SH3KBP1: variants seen among roughly 807,000 people sequenced by gnomAD.
SH3KBP1 encodes the protein SH3 domain-containing kinase-binding protein 1.
Under a neutral mutation model 50.1 loss-of-function variants are expected in SH3KBP1, and 8 were observed. The ratio of observed to expected loss-of-function variants is 0.16; its 90% CI spans 0.09 to 0.29. SH3KBP1 has a LOEUF of 0.29. SH3KBP1 is among the 10% of genes least tolerant of loss of function. The pLI is 1.00. For synonymous variants in SH3KBP1, 227 were observed against 218.6 expected, an observed-to-expected ratio of 1.04 and a Z score of -0.34; for missense variants, 377 against 535.2, an observed-to-expected ratio of 0.70 and a Z score of 2.92.
intron 13 of SH3KBP1, among the ~76,000 whole-genome samples, chrX:19,563,183 C>T (rs113251682): frequency 0.021 from 2,328 of 112,084 alleles, 60 homozygotes; most frequent in African/African-American, 0.071. Context: ...GTGAGCACCT[C>T]GGTTCTGGTG....
chrX:19,596,885 T>C (rs1250853425), intron 9 of SH3KBP1, among the ~76,000 whole-genome samples: 3 of 112,157 alleles, frequency 2.7e-5, no homozygotes, highest in Non-Finnish European at 5.6e-5. Flanking sequence ...CCGCCACATC[T>C]GCAGTTACTT....
intron 11 of SH3KBP1, among the ~76,000 whole-genome samples, chrX:19,590,686 C>T (rs1166186733): frequency 9.4e-6 from 1 of 106,771 alleles, no homozygotes; most frequent in Non-Finnish European, 1.9e-5. Flanking sequence ...CTCTGTTGCT[C>T]AGGCTGGAGT....
intron 12 of SH3KBP1, among the ~76,000 whole-genome samples, chrX:19,588,052 T>G (rs112010717): frequency 8.9e-6 from 1 of 112,135 alleles, no homozygotes; most frequent in Non-Finnish European, 1.9e-5. Flanking sequence ...TCCAGCCAGC[T>G]GGCGAATGAA....
intron 2 of SH3KBP1, among the ~76,000 whole-genome samples, chrX:19,799,405 C>T (rs2066827261): frequency 8.9e-6 from 1 of 111,751 alleles, no homozygotes; most frequent in Admixed American, 9.5e-5. Flanking sequence ...GCCAAAGAAT[C>T]CACTTCTATC....
At chrX:19,659,342 T>C (rs961637243) in intron 6 of SH3KBP1, among the ~76,000 whole-genome samples, 3 of 110,275 alleles carry the variant, frequency 2.7e-5, no homozygotes. Flanking sequence ...CTCGAACTCC[T>C]GACCTCAGGT....
At chrX:19,659,172 T>C (rs1316626973) in intron 6 of SH3KBP1, among the ~76,000 whole-genome samples, 1 of 99,391 alleles carries the variant, frequency 1.0e-5, no homozygotes, top group African/African-American at 3.8e-5. Context: ...TGGAGTGCAA[T>C]GGCACAATCT....
intron 9 of SH3KBP1, among the ~76,000 whole-genome samples, chrX:19,605,776 G>A (rs1361808104): frequency 2.7e-5 from 3 of 111,449 alleles, no homozygotes; most frequent in Non-Finnish European, 5.6e-5. Flanking sequence ...AATAAATACT[G>A]AATGAGTGAA....
At chrX:19,809,456 G>A (rs1441319851) in intron 2 of SH3KBP1, among the ~76,000 whole-genome samples, 7 of 110,126 alleles carry the variant, frequency 6.4e-5, no homozygotes, top group Admixed American at 3.9e-4. Context: ...CCCGGGAGGC[G>A]GAGGTTGCAG....
At chrX:19,886,926 C>T (rs1361185651) in intron 1 of SH3KBP1, among the ~76,000 whole-genome samples, 2 of 108,872 alleles carry the variant, frequency 1.8e-5, no homozygotes, top group Admixed American at 9.6e-5. Context: ...GGGCCGGAGC[C>T]CACCAGGTCC....
chrX:19,799,890 C>A, intron 2 of SH3KBP1: 1 of 886,531 alleles, frequency 1.1e-6, no homozygotes, highest in Non-Finnish European at 1.5e-6. Context: ...TTATTTCTGT[C>A]GCAAATCAAG....
At chrX:19,806,249 G>A (rs2067041899) in intron 2 of SH3KBP1, among the ~76,000 whole-genome samples, 1 of 111,948 alleles carries the variant, frequency 8.9e-6, no homozygotes, top group Admixed American at 9.5e-5. Context: ...AGGCACAGTA[G>A]TTTATGCCCG....
At chrX:19,774,527 CA>C (rs2065899245) in intron 2 of SH3KBP1, among the ~76,000 whole-genome samples, 1 of 109,119 alleles carries the variant, frequency 9.2e-6, no homozygotes, top group African/African-American at 3.3e-5. Flanking sequence ...AAAAATTAGC[CA>C]GGCGTGGTGG....
At chrX:19,852,236 C>T (rs2068529299) in intron 1 of SH3KBP1, among the ~76,000 whole-genome samples, 1 of 111,249 alleles carries the variant, frequency 9.0e-6, no homozygotes, top group African/African-American at 3.3e-5. Flanking sequence ...GTGAGGGACC[C>T]AGCCTTCAGA....
chrX:19,624,579 C>A (rs1182120460), intron 8 of SH3KBP1, among the ~76,000 whole-genome samples: 1 of 111,577 alleles, frequency 9.0e-6, no homozygotes, highest in African/African-American at 3.3e-5. Context: ...ATATTTTCTC[C>A]CACCCCAAGC....
At chrX:19,856,499 TC>T (rs1194970697) in intron 1 of SH3KBP1, among the ~76,000 whole-genome samples, 1 of 111,711 alleles carries the variant, frequency 9.0e-6, no homozygotes, top group African/African-American at 3.3e-5. Context: ...CATCCCCACT[TC>T]CTTTTCTCAC....
At chrX:19,686,229 T>C (rs1282715147) in intron 5 of SH3KBP1, among the ~76,000 whole-genome samples, 2 of 112,252 alleles carry the variant, frequency 1.8e-5, no homozygotes, top group African/African-American at 6.5e-5. Flanking sequence ...ACTATCTGTG[T>C]TGGTAAAATA....
At chrX:19,837,409 T>C (rs1432524071) in intron 1 of SH3KBP1, among the ~76,000 whole-genome samples, 2 of 110,816 alleles carry the variant, frequency 1.8e-5, no homozygotes, top group African/African-American at 6.6e-5. Context: ...ATGCAATTCA[T>C]TTAGACTGGA....
chrX:19,637,394 G>C (rs371596827), intron 7 of SH3KBP1, among the ~76,000 whole-genome samples: 1 of 112,271 alleles, frequency 8.9e-6, no homozygotes, highest in East Asian at 2.8e-4. Flanking sequence ...CTATCTGCTC[G>C]AGGAGCTCAA....
chrX:19,660,136 AT>A (rs2062411443), intron 6 of SH3KBP1, among the ~76,000 whole-genome samples: 1 of 112,690 alleles, frequency 8.9e-6, no homozygotes, highest in African/African-American at 3.2e-5. Context: ...CTGAATTAGT[AT>A]TAAGAAGACT....
Sources: allele counts gnomAD v4.1 joint callset (sites outside exome capture counted in the v4.1 genomes callset), GRCh38; gene constraint gnomAD v4.1.1; transcripts MANE v1.5; gene names NCBI Gene and HGNC (gene_info 2026-07-23, HGNC 2026-07-21).